The following STAT5B variants were observed in gnomAD, a reference collection of about 807,000 sequenced individuals.
STAT5B encodes signal transducer and activator of transcription 5B.
A neutral mutation model predicts 107.8 loss-of-function variants in STAT5B; 21 were observed. The ratio of observed to expected loss-of-function variants is 0.19; its 90% CI spans 0.14 to 0.28. The LOEUF (loss-of-function observed/expected upper bound fraction) is 0.28. Ranked by LOEUF, STAT5B falls within the 10% of genes least tolerant of loss-of-function variation. STAT5B has a pLI of 1.00. For missense variants in STAT5B, 565 were observed against 1,008.2 expected (o/e 0.56, Z 5.95); for synonymous variants, 325 against 401.7 (o/e 0.81, Z 2.28).
chr17:42,241,361 C>A (rs1182633605), intron 1 of STAT5B, among the ~76,000 whole-genome samples: 1 of 149,294 alleles, frequency 6.7e-6, no homozygotes, highest in Non-Finnish European at 1.5e-5. Context: ...AAAAAAAGAG[C>A]AAATTCCCTA....
Position 42,267,536 on chromosome 17 carries a change from G to A in STAT5B, c.-11+8712C>T, listed in dbSNP as rs894559947. 9.2e-4 allele frequency among the ~76,000 whole-genome samples: 139 copies of A among 151,690 alleles called. 1 individual carries two copies. The highest frequency in any genetic ancestry group is 3.1e-3 in the African/African-American group (128 of 41,368). ...AAAATTAAAAAGTTTTTAAAGTTTTGAAAAATTAAAAATTATTTAAAAAGA... is the reference window on the plus strand; with the variant it reads ...AAAATTAAAAAGTTTTTAAAGTTTTAAAAAATTAAAAATTATTTAAAAAGA... On this transcript the variant is annotated intron_variant, in intron 1 of 18. Transcript: ENST00000293328.
rs1260967235 is a variant in STAT5B at position 42,212,013 on chromosome 17, G to T, written c.1651C>A (p.Leu551Met). ...SSSHLEDYSG[L>M]SVSWSQFNRE... Reference sequence around the variant, plus strand: ...TTGAACTGGGACCAGGACACAGACAGGCCACTGTAGTCCTCCAGGTGGCTG... The same window carrying T: ...TTGAACTGGGACCAGGACACAGACATGCCACTGTAGTCCTCCAGGTGGCTG... The change falls in exon 13 of 19, where the codon CTG (leucine) becomes ATG (methionine). Residue 551 changes from leucine (L) to methionine (M), a missense_variant. Coordinates refer to ENST00000293328, the MANE Select transcript of STAT5B (RefSeq NM_012448.4). The T allele has an allele frequency of 6.2e-7, 1 of 1,613,506 alleles. No individual in the cohort carries two copies. The highest frequency in any genetic ancestry group is 8.5e-7 in the Non-Finnish European group (1 of 1,179,794).
At chr17:42,277,991 C>T (rs1316909221), upstream of STAT5B, among the ~76,000 whole-genome samples, 1 of 152,014 alleles carries the variant, frequency 6.6e-6, no homozygotes, top group African/African-American at 2.4e-5. Flanking sequence ...CTCCTGACCT[C>T]GTAATCTGCC....
At position 42,212,116 on chromosome 17, in the gene STAT5B, C is replaced by T. The variant is rs1240288397; in HGVS notation, c.1548G>A (p.Lys516=). Residue 516 remains lysine (K), a synonymous_variant, in exon 13 of 19, where the codon AAG becomes AAA. Coordinates refer to ENST00000293328, the MANE Select transcript of STAT5B (RefSeq NM_012448.4). ...GGCCCCGGTTGCTCTGCACTTCGGC[C>T]TTGAATTTCATGTTGAGCGCCTCAC... ...QLCEALNMKF[K]AEVQSNRGLT... is the part of the protein sequence containing the mutation. 6.2e-7 allele frequency: 1 copy of T among 1,614,160 alleles called. No individual in the cohort carries two copies.
In STAT5B at chr17:42,274,679, G is replaced by C. The variant is rs139877104; in HGVS notation, c.-11+1569C>G. On this transcript the variant is annotated intron_variant, in intron 1 of 18. Coordinates refer to ENST00000293328, the MANE Select transcript of STAT5B (RefSeq NM_012448.4). The stretch of plus-strand genomic sequence containing the variant: ...GTTACAAAATGAAATTTTAAAACAT[G>C]AAAGGCACACTCAATAAAATACATC... 1.7e-4 allele frequency among the ~76,000 whole-genome samples: 26 copies of C among 152,232 alleles called. No individual in the cohort carries two copies. The East Asian group carries it at 4.4e-3, about 26-fold the overall frequency.
At chr17:42,213,578 A>G (rs1194585769) in intron 12 of STAT5B, among the ~76,000 whole-genome samples, 2 of 151,368 alleles carry the variant, frequency 1.3e-5, no homozygotes, top group Non-Finnish European at 2.9e-5. Flanking sequence ...CCCAGGCTGG[A>G]GTGCAGTGGC....
chr17:42,207,029 A>C (rs888582854), intron 16 of STAT5B, among the ~76,000 whole-genome samples: 3 of 151,412 alleles, frequency 2.0e-5, no homozygotes, highest in African/African-American at 7.3e-5. Context: ...AGTGCCTGCC[A>C]CCACACCTAA....
chr17:42,206,154 C>A (rs1489385785), intron 16 of STAT5B, among the ~76,000 whole-genome samples: 1 of 152,164 alleles, frequency 6.6e-6, no homozygotes, highest in Non-Finnish European at 1.5e-5. Context: ...ACTTCTGCCT[C>A]CCTGGTTCAA....
In STAT5B at chr17:42,224,485, A is replaced by T. The variant is rs149767366; in HGVS notation, c.375+294T>A. On this transcript the variant is annotated intron_variant, in intron 4 of 18. Transcript: ENST00000293328. ...TTTTCGAACAGCCAGGACTACAGGC[A>T]TATGCCACCATGCCCAGCTAATTTT... Among the ~76,000 whole-genome samples, 403 of 152,052 alleles carry T rather than the reference A, an allele frequency of 2.7e-3. 4 individuals are homozygous for T. Among genetic ancestry groups the T allele is most frequent in the African/African-American group, 9.5e-3 (394 of 41,470 alleles).
upstream of STAT5B, among the ~76,000 whole-genome samples, chr17:42,280,305 C>G (rs138942277): frequency 6.6e-6 from 1 of 152,130 alleles, no homozygotes; most frequent in East Asian, 1.9e-4. Context: ...CCATGCATGC[C>G]CCTGCTCCCA....
chr17:42,210,410 T>C lies in STAT5B; in HGVS notation c.1768A>G (p.Asn590Asp). The C allele has an allele frequency of 1.2e-6, 2 of 1,614,150 alleles. No individual in the cohort carries two copies. Among genetic ancestry groups the C allele is most frequent in the South Asian group, 2.2e-5 (2 of 91,076 alleles). ...AGAAATAATGATTCTCACCCATCAT[T>C]CCAATGAGGCTTGAGATGTTTTTTT... The part of the protein sequence containing the change: ...VLKKHLKPHW[N>D]DGAILGFVNK... The change falls in exon 14 of 19, where the codon AAT becomes GAT. Residue 590 changes from asparagine to aspartate, a missense_variant. By Grantham distance (23) the Asn-to-Asp change is conservative. This residue lies in a region of STAT5B where 127 missense variants were observed against 215.8 expected (regional missense o/e 0.59). Coordinates refer to ENST00000293328, the MANE Select transcript of STAT5B (RefSeq NM_012448.4).
At chr17:42,212,660 C>T (rs2144226405) in intron 12 of STAT5B, among the ~76,000 whole-genome samples, 1 of 152,354 alleles carries the variant, frequency 6.6e-6, no homozygotes, top group African/African-American at 2.4e-5. Context: ...CAAAGTAAAA[C>T]AACTTGGTAT....
intron 1 of STAT5B, among the ~76,000 whole-genome samples, chr17:42,248,512 C>T (rs896990674): frequency 2.0e-5 from 3 of 152,112 alleles, no homozygotes; most frequent in South Asian, 4.1e-4. Context: ...AAATAAAATG[C>T]AATTACTTTT....
intron 1 of STAT5B, chr17:42,271,148 T>C (rs114687645): frequency 6.6e-6 from 1 of 152,250 alleles, no homozygotes; most frequent in Non-Finnish European, 1.5e-5. Context: ...TGATGAATAG[T>C]TATTTTTAAT....
chr17:42,273,888 A>G (rs1312139661), intron 1 of STAT5B, among the ~76,000 whole-genome samples: 1 of 152,256 alleles, frequency 6.6e-6, no homozygotes, highest in African/African-American at 2.4e-5. Context: ...ATAAATGGCA[A>G]CTTTAGTCTT....
chr17:42,269,276 G>A (rs1383083610), intron 1 of STAT5B, among the ~76,000 whole-genome samples: 2 of 152,120 alleles, frequency 1.3e-5, no homozygotes, highest in Non-Finnish European at 2.9e-5. Flanking sequence ...GTTTCACCAT[G>A]TTGGCCAGGC....
At chr17:42,235,538 A>G (rs1332051186) in intron 1 of STAT5B, 2 of 151,184 alleles carry the variant, frequency 1.3e-5, no homozygotes, top group Non-Finnish European at 2.9e-5. Context: ...ACTGGAGTGC[A>G]GATATCTCAG....
intron 2 of STAT5B, among the ~76,000 whole-genome samples, chr17:42,230,685 C>T (rs1464350117): frequency 6.6e-6 from 1 of 151,324 alleles, no homozygotes; most frequent in Non-Finnish European, 1.5e-5. Flanking sequence ...TTTTTAAAGG[C>T]AGTCTCACTC....
At chr17:42,266,802 A>G (rs2080677018) in intron 1 of STAT5B, among the ~76,000 whole-genome samples, 1 of 152,314 alleles carries the variant, frequency 6.6e-6, no homozygotes, top group Non-Finnish European at 1.5e-5. Context: ...CATGCCACTC[A>G]GGAAGCCAAA....
Sources: gnomAD v4.1 joint callset for allele counts (sites outside exome capture counted in the v4.1 genomes callset) on GRCh38, gnomAD v4.1.1 for gene constraint, gnomAD v4.1.1 regional missense constraint, MANE v1.5 for transcripts, NCBI Gene and HGNC (gene_info 2026-07-23, HGNC 2026-07-21) for gene names.